The following JAKMIP3 variants were observed in gnomAD, a reference collection of about 807,000 sequenced individuals.
JAKMIP3 encodes the protein Janus kinase and microtubule interacting protein 3.
A neutral mutation model predicts 118.5 loss-of-function variants in JAKMIP3; 58 were observed. That is an observed-to-expected ratio of 0.49 (90% confidence interval 0.40 to 0.61). The LOEUF (loss-of-function observed/expected upper bound fraction) is 0.61. JAKMIP3 is among the 20% of genes least tolerant of loss of function. The pLI is 0.00. For synonymous variants in JAKMIP3, 486 were observed against 451.2 expected (o/e 1.08, Z -0.98); for missense variants, 950 against 1,109.0 (o/e 0.86, Z 2.04).
At chr10:132,079,195 C>T (rs2041385348) in intron 1 of JAKMIP3, among the ~76,000 whole-genome samples, 1 of 152,182 alleles carries the variant, frequency 6.6e-6, no homozygotes, top group Non-Finnish European at 1.5e-5. Context: ...ACCCCGGTAG[C>T]CTCGCTTCTG....
At chr10:132,125,936 GGTT>G (rs2049455475) in intron 3 of JAKMIP3, among the ~76,000 whole-genome samples, 1 of 152,090 alleles carries the variant, frequency 6.6e-6, no homozygotes, top group African/African-American at 2.4e-5. Flanking sequence ...CAGTTTTGGG[GGTT>G]GTTTTTTGAG....
intron 11 of JAKMIP3, among the ~76,000 whole-genome samples, chr10:132,142,607 G>C (rs2053755890): frequency 6.6e-6 from 1 of 152,178 alleles, no homozygotes; most frequent in African/African-American, 2.4e-5. Context: ...AGTGTGGCTG[G>C]CGGGTGCCCT....
intron 3 of JAKMIP3, among the ~76,000 whole-genome samples, chr10:132,130,831 G>A (rs1016650109): frequency 2.0e-5 from 3 of 152,160 alleles, no homozygotes. Flanking sequence ...CTTCACAGCA[G>A]GGAGGCTTAT....
intron 23 of JAKMIP3, among the ~76,000 whole-genome samples, chr10:132,173,116 CCCTCCT>C (rs756595105): frequency 3.3e-4 from 2 of 6,014 alleles, no homozygotes; most frequent in Non-Finnish European, 7.0e-4. Flanking sequence ...CTCCCCCTCC[CCCTCCT>C]TCCCTCTCTC....
At chr10:132,050,785 C>G (rs1412437973) in intron 1 of JAKMIP3, among the ~76,000 whole-genome samples, 1 of 152,226 alleles carries the variant, frequency 6.6e-6, no homozygotes, top group Non-Finnish European at 1.5e-5. Context: ...ATAAGAAAAA[C>G]AAAACACCAC....
Position 132,135,967 on chromosome 10 carries a change from C to T in JAKMIP3, c.1007C>T (p.Pro336Leu), listed in dbSNP as rs1340699768. The T allele has an allele frequency of 2.5e-6, 4 of 1,613,386 alleles. No homozygotes were observed. Among genetic ancestry groups the T allele is most frequent in the Non-Finnish European group, 3.4e-6 (4 of 1,179,752 alleles). ...AGAGAAGCTGAGAGTCAGTACAAGC[C>T]TCTGCTGGATAAAAACAAGCGCCTC... ...RVREAESQYK[P>L]LLDKNKRLSR... The change falls in exon 6 of 24, where the codon CCT becomes CTT. Residue 336 changes from proline to leucine, a missense_variant. By Grantham distance (98) the Pro-to-Leu change is moderately conservative. Transcript: ENST00000684848.
intron 1 of JAKMIP3, among the ~76,000 whole-genome samples, chr10:132,100,548 G>A (rs9419190): frequency 0.4 from 61,193 of 151,868 alleles, 12,724 homozygotes; most frequent in Admixed American, 0.49. Context: ...ACGAGGGTTG[G>A]GGGGTGAGCA....
chr10:132,057,852 A>G (rs2038282547), intron 1 of JAKMIP3, among the ~76,000 whole-genome samples: 1 of 152,188 alleles, frequency 6.6e-6, no homozygotes, highest in South Asian at 2.1e-4. Flanking sequence ...TGTTCTCTGC[A>G]GTGGTTTTGG....
At chr10:132,061,265 T>C (rs35683061), upstream of JAKMIP3, among the ~76,000 whole-genome samples, 97,680 of 149,356 alleles carry the variant, frequency 0.65, 31,736 homozygotes, top group Admixed American at 0.75. Context: ...CCTGCCGTGA[T>C]GGCGCGCACA....
At chr10:132,180,576 T>TGCGCGCGTGTGTGTGCGCGC (rs1435530363) in intron 23 of JAKMIP3, among the ~76,000 whole-genome samples, 1 of 19,916 alleles carries the variant, frequency 5.0e-5, no homozygotes, top group African/African-American at 3.2e-4. Context: ...TGCGTGTGTG[T>TGCGCGCGTGTGTGTGCGCGC]GTGCGTGCGC....
intron 1 of JAKMIP3, among the ~76,000 whole-genome samples, chr10:132,040,466 C>A (rs1226183367): frequency 6.6e-6 from 1 of 152,124 alleles, no homozygotes; most frequent in Non-Finnish European, 1.5e-5. Context: ...TTGCAGACTC[C>A]CCCAGCCACA....
In JAKMIP3 at chr10:132,157,696, C is replaced by T. The variant is rs145776615; in HGVS notation, c.2220+3706C>T. ...AACTCCACGCCACGTCTGTTTGTAA[C>T]CTTTCCCACCTCTCTCATGCTATCT... On this transcript the variant is annotated intron_variant, in intron 19 of 23. Coordinates refer to ENST00000684848, the MANE Select transcript of JAKMIP3 (RefSeq NM_001323087.2). Among the ~76,000 whole-genome samples, 588 of 152,334 alleles carry T rather than the reference C, an allele frequency of 3.9e-3. 7 individuals carry two copies. Among genetic ancestry groups the T allele is most frequent in the Non-Finnish European group, 6.4e-3 (438 of 68,036 alleles).
At chr10:132,037,890 G>GA (rs2037566008) in intron 1 of JAKMIP3, among the ~76,000 whole-genome samples, 1 of 152,258 alleles carries the variant, frequency 6.6e-6, no homozygotes, top group Non-Finnish European at 1.5e-5. Context: ...GGGCTGTAGA[G>GA]AACAGCAGTA....
At chr10:132,181,905 C>T (rs2061528347) in intron 23 of JAKMIP3, among the ~76,000 whole-genome samples, 1 of 152,252 alleles carries the variant, frequency 6.6e-6, no homozygotes, top group Non-Finnish European at 1.5e-5. Flanking sequence ...GCCCCAGGGA[C>T]TGATCCGGGG....
chr10:132,117,422 C>A lies in JAKMIP3; in HGVS notation c.481C>A (p.Leu161Ile). 6.2e-7 allele frequency: 1 copy of A among 1,613,960 alleles called. No homozygotes were observed. The highest frequency in any genetic ancestry group is 2.2e-5 in the East Asian group (1 of 44,856). ...CAAGATGCAGCAGGAGATCTCCGAG[C>A]TCAAGGGCGCCAAAAGGCAGGTGGA... The part of the protein sequence containing the change: ...KVKMQQEISE[L>I]KGAKRQVEEA... Residue 161 changes from leucine (L) to isoleucine (I), a missense_variant, in exon 3 of 24, where the codon CTC becomes ATC. Transcript: ENST00000684848. This position sits in a 1 kb window ranked among gnomAD's most constrained non-coding sequence, Gnocchi z 8.6.
rs1274061550 is a variant in JAKMIP3 at position 132,180,658 on chromosome 10, CGTGTGTGCGT to C, written c.*1104-1689_*1104-1680del. Among the ~76,000 whole-genome samples the C allele has an allele frequency of 1.8e-3, 15 of 8,422 alleles. 5 individuals are homozygous for C. Among genetic ancestry groups the C allele is most frequent in the Middle Eastern group, 0.1 (2 of 20 alleles). 5.5% of individuals were successfully genotyped at this position (8,422 alleles called of 152,430 possible). A position where few individuals can be genotyped will look rare whatever the true frequency, so the allele number is the denominator to read the frequency against. ...GCGTGCGTGTGTGCGTGTGCGTGTG[CGTGTGTGCGT>C]GTGTGTGCGCGCGCGTGTGTGTGCG... On this transcript the variant is annotated intron_variant, in intron 23 of 23. Coordinates refer to ENST00000684848, the MANE Select transcript of JAKMIP3 (RefSeq NM_001323087.2).
Position 132,118,525 on chromosome 10 carries a change from G to A in JAKMIP3, c.633+951G>A, listed in dbSNP as rs968112749. On this transcript the variant is annotated intron_variant, in intron 3 of 23. Coordinates refer to ENST00000684848, the MANE Select transcript of JAKMIP3 (RefSeq NM_001323087.2). This position sits in a 1 kb window ranked among gnomAD's most constrained non-coding sequence, Gnocchi z 4.8. Reference sequence around the variant, plus strand: ...GGCAGCCTCCCTCTGCCTGCTTCCCGGGGCCTCCGGTCTCCAGGGATGGCC... The same window carrying A: ...GGCAGCCTCCCTCTGCCTGCTTCCCAGGGCCTCCGGTCTCCAGGGATGGCC... 4.6e-5 allele frequency among the ~76,000 whole-genome samples: 7 copies of A among 152,286 alleles called. No individual in the cohort carries two copies. Among genetic ancestry groups the A allele is most frequent in the Non-Finnish European group, 1.0e-4 (7 of 68,014 alleles).
intron 1 of JAKMIP3, among the ~76,000 whole-genome samples, chr10:132,037,148 C>T (rs1026708904): frequency 6.6e-6 from 1 of 152,238 alleles, no homozygotes; most frequent in Non-Finnish European, 1.5e-5. Flanking sequence ...CAGGGATGGC[C>T]AGCGTGGCCG....
At chr10:132,153,383 T>C (rs2056568241) in intron 17 of JAKMIP3, among the ~76,000 whole-genome samples, 1 of 152,198 alleles carries the variant, frequency 6.6e-6, no homozygotes, top group Non-Finnish European at 1.5e-5. Context: ...AGCCCTGACC[T>C]GCCTGGTGAG....
Sources: allele counts gnomAD v4.1 joint callset (sites outside exome capture counted in the v4.1 genomes callset), GRCh38; gene constraint gnomAD v4.1.1; non-coding constraint Gnocchi (gnomAD v3.1); transcripts MANE v1.5; gene names NCBI Gene and HGNC (gene_info 2026-07-23, HGNC 2026-07-21).